Variants in STK32B observed in about 807,000 individuals in gnomAD.
The protein encoded by STK32B is serine/threonine kinase 32B.
In STK32B, 43 loss-of-function variants were observed where a neutral mutation model predicts 52.6. That is an observed-to-expected ratio of 0.82 (90% CI 0.64 to 1.05). The LOEUF (loss-of-function observed/expected upper bound fraction) is 1.05, where lower values mean the gene tolerates loss of function less well. Ranked by LOEUF, STK32B falls within the 50% of genes least tolerant of loss-of-function variation. The pLI is 0.00. For synonymous variants in STK32B, 238 were observed against 204.3 expected, an observed-to-expected ratio of 1.17 and a Z score of -1.41; for missense variants, 621 against 534.6, an observed-to-expected ratio of 1.16 and a Z score of -1.59.
chr4:5,304,382 C>T (rs1729777768), intron 3 of STK32B, among the ~76,000 whole-genome samples: 1 of 148,312 alleles, frequency 6.7e-6, no homozygotes, highest in South Asian at 2.1e-4. Flanking sequence ...TTGTAGAGGT[C>T]TTTCAGCTCC....
intron 11 of STK32B, among the ~76,000 whole-genome samples, chr4:5,484,728 A>T (rs1188190385): frequency 6.6e-6 from 1 of 152,052 alleles, no homozygotes; most frequent in Non-Finnish European, 1.5e-5. Context: ...GGCTGGTACC[A>T]GTTGTTCCTT....
chr4:5,178,160 G>A (rs769015323), intron 3 of STK32B, among the ~76,000 whole-genome samples: 12 of 152,208 alleles, frequency 7.9e-5, no homozygotes, highest in Non-Finnish European at 1.6e-4. Context: ...AGATCCAAGT[G>A]TTTCTATACA....
At chr4:5,220,326 A>G (rs1171468188) in intron 3 of STK32B, among the ~76,000 whole-genome samples, 2 of 152,238 alleles carry the variant, frequency 1.3e-5, no homozygotes, top group East Asian at 1.9e-4. Flanking sequence ...CCAGCTCTCA[A>G]TGAGATCACA....
chr4:5,023,870 GACC>G, the STK32B span, among the ~76,000 whole-genome samples: 10 of 152,162 alleles, frequency 6.6e-5, no homozygotes, highest in Non-Finnish European at 1.5e-4. Flanking sequence ...CACTATGTGG[GACC>G]CAGACTGGAA....
chr4:5,432,554 T>C (rs1713682763), intron 6 of STK32B, among the ~76,000 whole-genome samples: 1 of 149,168 alleles, frequency 6.7e-6, no homozygotes, highest in Admixed American at 6.7e-5. Flanking sequence ...TGAATAGGAG[T>C]TCATGAATAG....
intron 1 of STK32B, among the ~76,000 whole-genome samples, chr4:5,096,111 A>C (rs1231846200): frequency 6.6e-6 from 1 of 152,244 alleles, no homozygotes; most frequent in Non-Finnish European, 1.5e-5. Context: ...TACTAAAAAA[A>C]TTGTTGAAAA....
chr4:5,346,964 C>G (rs28448297), intron 4 of STK32B, among the ~76,000 whole-genome samples: 1 of 152,126 alleles, frequency 6.6e-6, no homozygotes, highest in Admixed American at 6.5e-5. Flanking sequence ...CTGTCAAACA[C>G]TTATAAAACC....
intron 3 of STK32B, among the ~76,000 whole-genome samples, chr4:5,212,616 C>T (rs1246771288): frequency 6.6e-6 from 1 of 152,340 alleles, no homozygotes; most frequent in African/African-American, 2.4e-5. Flanking sequence ...TCCAAACTTT[C>T]CAATTTTGTT....
At chr4:5,456,727 A>C (rs943386473) in intron 7 of STK32B, 80 bp from the exon 8 acceptor site, 4 of 1,249,626 alleles carry the variant, frequency 3.2e-6, no homozygotes, top group Non-Finnish European at 4.5e-6. Flanking sequence ...ACCATCCCTC[A>C]TAATCATACA....
At chr4:5,420,452 G>C (rs770088696) in intron 6 of STK32B, among the ~76,000 whole-genome samples, 138 of 152,290 alleles carry the variant, frequency 9.1e-4, no homozygotes, top group Non-Finnish European at 1.7e-3. Context: ...TGATGGGATG[G>C]AGAATGGGGG....
intron 2 of STK32B, among the ~76,000 whole-genome samples, chr4:5,160,283 G>T (rs770788496): frequency 1.3e-5 from 2 of 152,062 alleles, no homozygotes; most frequent in Admixed American, 1.3e-4. Context: ...ATAATGAACC[G>T]CATACTCAGT....
At chr4:5,181,274 G>A (rs984282085) in intron 3 of STK32B, among the ~76,000 whole-genome samples, 3 of 150,414 alleles carry the variant, frequency 2.0e-5, no homozygotes, top group African/African-American at 7.4e-5. Context: ...TAACAGTGAG[G>A]CATTAATCTG....
Position 5,070,416 on chromosome 4 carries a change from A to C in STK32B, c.52+18501A>C, listed in dbSNP as rs533791875. The stretch of plus-strand genomic sequence containing the variant: ...CTGGAATGGGGACTTAGAGAGGATT[A>C]GATAGTGAGCCCCCGTCCTTTAGAA... On this transcript the variant is annotated intron_variant, in intron 1 of 11. Transcript: ENST00000282908. Among the ~76,000 whole-genome samples the C allele has an allele frequency of 1.7e-3, 258 of 152,246 alleles. 2 individuals carry two copies. The highest frequency in any genetic ancestry group is 3.2e-3 in the Non-Finnish European group (221 of 68,016).
chr4:5,318,680 A>T (rs1386494200), intron 3 of STK32B, among the ~76,000 whole-genome samples: 3 of 152,186 alleles, frequency 2.0e-5, no homozygotes, highest in Admixed American at 6.5e-5. Context: ...CAGGTATGAG[A>T]GAGAAAGCAC....
chr4:5,215,405 C>A (rs965912105), intron 3 of STK32B, among the ~76,000 whole-genome samples: 1 of 152,104 alleles, frequency 6.6e-6, no homozygotes, highest in Non-Finnish European at 1.5e-5. Flanking sequence ...ATTTTGCCTC[C>A]AAATGAACCT....
intron 3 of STK32B, among the ~76,000 whole-genome samples, chr4:5,232,951 C>T (rs762992527): frequency 4.6e-5 from 7 of 152,184 alleles, no homozygotes; most frequent in African/African-American, 7.2e-5. Flanking sequence ...CAGCAGCTTT[C>T]TCCACACAGC....
At chr4:5,316,388 A>T (rs867844958) in intron 3 of STK32B, among the ~76,000 whole-genome samples, 470 of 40,284 alleles carry the variant, frequency 0.012, 25 homozygotes, top group African/African-American at 0.062. Context: ...TTATATATAT[A>T]ATATATTACA....
At chr4:5,168,142 G>A (rs558982205) in intron 2 of STK32B, among the ~76,000 whole-genome samples, 157 bp from the exon 3 acceptor site, 1 of 152,276 alleles carries the variant, frequency 6.6e-6, no homozygotes, top group African/African-American at 2.4e-5. Flanking sequence ...TGCAGATGCA[G>A]AGAGGTTGTG....
chr4:5,150,514 A>T (rs889666223), intron 2 of STK32B, among the ~76,000 whole-genome samples: 1 of 152,190 alleles, frequency 6.6e-6, no homozygotes, highest in African/African-American at 2.4e-5. Flanking sequence ...ACAAGCAGTT[A>T]ACTTGGTTGG....
Sources: gnomAD v4.1 joint callset for allele counts (sites outside exome capture counted in the v4.1 genomes callset) on GRCh38, gnomAD v4.1.1 for gene constraint, MANE v1.5 for transcripts, NCBI Gene and HGNC (gene_info 2026-07-23, HGNC 2026-07-21) for gene names.